The following SLC5A8 variants were observed in gnomAD, a reference collection of about 807,000 sequenced individuals.
SLC5A8 encodes sodium-coupled monocarboxylate transporter 1.
A neutral mutation model predicts 71.9 loss-of-function variants in SLC5A8; 55 were observed. The ratio of observed to expected loss-of-function variants is 0.77; its 90% CI spans 0.62 to 0.96. The LOEUF (loss-of-function observed/expected upper bound fraction) is 0.96. SLC5A8 is among the 40% of genes least tolerant of loss of function. The pLI, the probability that SLC5A8 is intolerant of heterozygous loss-of-function variation, is 0.00. For missense variants in SLC5A8, 701 were observed against 745.3 expected (o/e 0.94, Z 0.69); for synonymous variants, 307 against 276.1 (o/e 1.11, Z -1.11).
chr12:101,197,084 G>C (rs1478918804), intron 3 of SLC5A8, among the ~76,000 whole-genome samples: 1 of 152,150 alleles, frequency 6.6e-6, no homozygotes, highest in Non-Finnish European at 1.5e-5. Context: ...AAATCCATGA[G>C]TTCGTAAGAA....
At chr12:101,205,305 GT>G (rs1263179160) in intron 1 of SLC5A8, among the ~76,000 whole-genome samples, 2 of 152,042 alleles carry the variant, frequency 1.3e-5, no homozygotes, top group East Asian at 3.9e-4. Flanking sequence ...TCTAACAATT[GT>G]TTTTTTAAAC....
At chr12:101,173,708 T>G (rs965970773) in intron 10 of SLC5A8, among the ~76,000 whole-genome samples, 1 of 152,222 alleles carries the variant, frequency 6.6e-6, no homozygotes, top group African/African-American at 2.4e-5. Flanking sequence ...ACTGGTGGTG[T>G]TAGTCCAAGG....
chr12:101,168,967 G>A (rs2051800148), intron 10 of SLC5A8, among the ~76,000 whole-genome samples: 1 of 152,164 alleles, frequency 6.6e-6, no homozygotes, highest in Non-Finnish European at 1.5e-5. Flanking sequence ...TACCAAGTCA[G>A]GGAAATATTA....
chr12:101,203,455 C>T (rs1454489672), intron 2 of SLC5A8, among the ~76,000 whole-genome samples: 1 of 152,056 alleles, frequency 6.6e-6, no homozygotes, highest in Non-Finnish European at 1.5e-5. Context: ...TCAAGTGATT[C>T]TCCCACCTTA....
At chr12:101,208,905 G>T (rs1365732505) in intron 1 of SLC5A8, among the ~76,000 whole-genome samples, 2 of 152,196 alleles carry the variant, frequency 1.3e-5, no homozygotes, top group Non-Finnish European at 2.9e-5. Flanking sequence ...GGCACAAAAG[G>T]TTGGGTAAGT....
Position 101,204,577 on chromosome 12 carries a change from A to C in SLC5A8, c.352-12T>G. 1.3e-6 allele frequency: 2 copies of C among 1,570,124 alleles called. No homozygotes were observed. The highest frequency in any genetic ancestry group is 1.7e-6 in the Non-Finnish European group (2 of 1,160,536). On this transcript the variant is annotated splice_polypyrimidine_tract_variant and intron_variant, in intron 1 of 14. Coordinates refer to ENST00000536262, the MANE Select transcript of SLC5A8 (RefSeq NM_145913.5). The stretch of plus-strand genomic sequence containing the variant: ...CGAAGTTCTAAATACTGTTGCAAAA[A>C]AAAAAATTATGCGAATCCTCTGGAT...
rs2712638 is a variant in SLC5A8 at position 101,192,073 on chromosome 12, C to G, written c.693-1465G>C. ...TTGTTTCCACTTCCTGGACTTCCCC[C>G]CTCCCTGTTCTGGTAAAAGCAACCC... On this transcript the variant is annotated intron_variant, in intron 5 of 14. Transcript: ENST00000536262. Among the ~76,000 whole-genome samples, 657 of 151,992 alleles carry G rather than the reference C, an allele frequency of 4.3e-3. 8 individuals carry two copies. Among genetic ancestry groups the G allele is most frequent in the African/African-American group, 0.015 (614 of 41,470 alleles).
chr12:101,209,472 T>A (rs372720118), intron 1 of SLC5A8, 26 bp downstream of exon 1: 13 of 1,527,912 alleles, frequency 8.5e-6, no homozygotes, highest in African/African-American at 2.7e-5. Flanking sequence ...GCGCCCTGCA[T>A]GGTCCCAGCC....
At chr12:101,186,191 C>G (rs1868638465) in intron 7 of SLC5A8, among the ~76,000 whole-genome samples, 1 of 141,548 alleles carries the variant, frequency 7.1e-6, no homozygotes, top group South Asian at 2.3e-4. Flanking sequence ...AGATTGATAA[C>G]AGTCACAAAA....
chr12:101,185,367 C>G (rs1047697546), intron 7 of SLC5A8, among the ~76,000 whole-genome samples: 2 of 152,200 alleles, frequency 1.3e-5, no homozygotes, highest in Non-Finnish European at 2.9e-5. Flanking sequence ...CCAAAATCCT[C>G]TATCCTATCT....
At chr12:101,179,928 G>T in intron 10 of SLC5A8, 101 bp downstream of exon 10, 1 of 1,211,184 alleles carries the variant, frequency 8.3e-7, no homozygotes, top group Non-Finnish European at 1.2e-6. Flanking sequence ...GATATGTCCA[G>T]GTGTCGATAT....
Position 101,200,277 on chromosome 12 carries a change from G to A in SLC5A8, c.469+1887C>T, listed in dbSNP as rs879840730. 4.7e-4 allele frequency among the ~76,000 whole-genome samples: 72 copies of A among 151,892 alleles called. 1 individual carries two copies. Among genetic ancestry groups the A allele is most frequent in the Non-Finnish European group, 9.1e-4 (62 of 67,906 alleles). On this transcript the variant is annotated intron_variant, in intron 3 of 14. Coordinates refer to ENST00000536262, the MANE Select transcript of SLC5A8 (RefSeq NM_145913.5). Reference sequence around the variant, plus strand: ...AGGAAAATTTCTGAGAGTGGATGACGGAAATAGTCTATATCTTGAGCGGGG... The same window carrying A: ...AGGAAAATTTCTGAGAGTGGATGACAGAAATAGTCTATATCTTGAGCGGGG...
At chr12:101,206,922 T>C (rs1207335002) in intron 1 of SLC5A8, among the ~76,000 whole-genome samples, 2 of 152,146 alleles carry the variant, frequency 1.3e-5, no homozygotes, top group African/African-American at 4.8e-5. Context: ...TGAAAAAAAA[T>C]GCTTGTGAAC....
At chr12:101,197,570 G>T (rs1322046505) in intron 3 of SLC5A8, among the ~76,000 whole-genome samples, 1 of 152,114 alleles carries the variant, frequency 6.6e-6, no homozygotes, top group Non-Finnish European at 1.5e-5. Flanking sequence ...CTAGAATCTG[G>T]AAAACTGGAC....
At chr12:101,207,489 T>A (rs2137174327) in intron 1 of SLC5A8, among the ~76,000 whole-genome samples, 1 of 152,298 alleles carries the variant, frequency 6.6e-6, no homozygotes, top group East Asian at 1.9e-4. Context: ...TTTTTGACAT[T>A]TTTAGCTGGA....
Position 101,202,281 on chromosome 12 carries a change from T to A in SLC5A8, c.418-66A>T. ...TAAAATTCATGAATTACGTCTGAGT[T>A]ATAAAATATTGATTGTTTTCCTATA... On this transcript the variant is annotated intron_variant, in intron 2 of 14. Transcript: ENST00000536262. The A allele has an allele frequency of 2.3e-6, 3 of 1,327,998 alleles. No homozygotes were observed. The South Asian group carries it at 4.7e-5, about 21-fold the overall frequency. 82.3% of individuals were successfully genotyped at this position (1,327,998 alleles called of 1,614,324 possible). A position where few individuals can be genotyped will look rare whatever the true frequency, so the allele number is the denominator to read the frequency against.
At chr12:101,183,985 A>T in intron 8 of SLC5A8, 149 bp downstream of exon 8, 1 of 693,454 alleles carries the variant, frequency 1.4e-6, no homozygotes, top group Admixed American at 2.9e-5. Flanking sequence ...GAGATAAGTC[A>T]GACCACAGAG....
intron 14 of SLC5A8, among the ~76,000 whole-genome samples, chr12:101,157,992 A>T (rs542348156): frequency 2.6e-5 from 4 of 152,232 alleles, no homozygotes; most frequent in Admixed American, 6.5e-5. Context: ...AGGAAAGAGG[A>T]TATGCAACAG....
chr12:101,195,610 A>G (rs1869136944), intron 3 of SLC5A8, among the ~76,000 whole-genome samples: 1 of 152,122 alleles, frequency 6.6e-6, no homozygotes, highest in Non-Finnish European at 1.5e-5. Context: ...AAATGAAGAC[A>G]ACACGAAAGG....
Sources: allele counts gnomAD v4.1 joint callset (sites outside exome capture counted in the v4.1 genomes callset), GRCh38; gene constraint gnomAD v4.1.1; transcripts MANE v1.5; gene names NCBI Gene and HGNC (gene_info 2026-07-23, HGNC 2026-07-21).